The following BTRC variants were observed in gnomAD, a reference collection of about 807,000 sequenced individuals.
BTRC encodes the protein beta-transducin repeat containing E3 ubiquitin protein ligase.
A neutral mutation model predicts 85.5 loss-of-function variants in BTRC; 42 were observed. The observed-to-expected ratio is 0.49, with a 90% CI of 0.38 to 0.64. BTRC has a LOEUF of 0.64. Among genes scored for constraint, BTRC ranks in the 30% least tolerant of loss-of-function variants. The probability of loss-of-function intolerance (pLI) is 0.00; values close to 1 mark genes in which losing one functional copy is unlikely to be tolerated. For missense variants in BTRC, 594 were observed against 743.5 expected (o/e 0.80, Z 2.34); for synonymous variants, 255 against 263.3 (o/e 0.97, Z 0.30).
intron 1 of BTRC, among the ~76,000 whole-genome samples, chr10:101,373,794 T>C (rs550353659): frequency 6.6e-6 from 1 of 151,986 alleles, no homozygotes; most frequent in African/African-American, 2.4e-5. Flanking sequence ...GGTGGGCGCC[T>C]GTAGTCCCAG....
At chr10:101,479,208 C>T (rs1564797595) in intron 3 of BTRC, among the ~76,000 whole-genome samples, 160 bp from the exon 4 acceptor site, 1 of 151,872 alleles carries the variant, frequency 6.6e-6, no homozygotes, top group African/African-American at 2.4e-5. Flanking sequence ...TCTATCTTTG[C>T]CCTCCTCCTT....
intron 2 of BTRC, among the ~76,000 whole-genome samples, chr10:101,432,776 G>T (rs73348107): frequency 0.027 from 4,082 of 152,196 alleles, 189 homozygotes; most frequent in African/African-American, 0.09. Flanking sequence ...ATCTCGGAAG[G>T]ATCCAATTGT....
intron 1 of BTRC, among the ~76,000 whole-genome samples, chr10:101,415,674 T>C (rs1943926085): frequency 6.6e-6 from 1 of 151,430 alleles, no homozygotes; most frequent in African/African-American, 2.4e-5. Flanking sequence ...TCTGAGTAGC[T>C]GGGATTACAG....
intron 1 of BTRC, among the ~76,000 whole-genome samples, chr10:101,374,788 A>T (rs1290921939): frequency 1.3e-4 from 3 of 22,764 alleles, no homozygotes; most frequent in African/African-American, 7.9e-4. Flanking sequence ...ATAATAAATA[A>T]AAAAAAAAAA....
chr10:101,419,462 CTTA>C (rs1944038771), intron 1 of BTRC, among the ~76,000 whole-genome samples: 1 of 152,068 alleles, frequency 6.6e-6, no homozygotes, highest in South Asian at 2.1e-4. Flanking sequence ...CACTTCCAAG[CTTA>C]TTGTTGTTGG....
chr10:101,417,149 T>C (rs1398023863), intron 1 of BTRC, among the ~76,000 whole-genome samples: 1 of 152,244 alleles, frequency 6.6e-6, no homozygotes, highest in East Asian at 1.9e-4. Flanking sequence ...GAAATTATTA[T>C]TGGCATATTA....
chr10:101,427,891 A>G (rs1944302826), intron 1 of BTRC, among the ~76,000 whole-genome samples: 1 of 152,228 alleles, frequency 6.6e-6, no homozygotes, highest in South Asian at 2.1e-4. Flanking sequence ...TGATTAAAAT[A>G]TTAGCCTTAA....
chr10:101,432,098 T>C (rs1457286265), intron 2 of BTRC, among the ~76,000 whole-genome samples: 1 of 151,974 alleles, frequency 6.6e-6, no homozygotes, highest in Non-Finnish European at 1.5e-5. Flanking sequence ...ATCCTGAGAC[T>C]GCTTATTTAT....
chr10:101,359,943 A>G (rs1405670668), intron 1 of BTRC, among the ~76,000 whole-genome samples: 2 of 152,184 alleles, frequency 1.3e-5, no homozygotes, highest in Non-Finnish European at 2.9e-5. Flanking sequence ...GTAGATTTTC[A>G]TAAATTATCA....
chr10:101,499,146 A>T (rs1022208052), intron 4 of BTRC, among the ~76,000 whole-genome samples: 1 of 152,148 alleles, frequency 6.6e-6, no homozygotes, highest in African/African-American at 2.4e-5. Flanking sequence ...AGGGGGAAAA[A>T]GTGAAGCTTA....
intron 3 of BTRC, among the ~76,000 whole-genome samples, chr10:101,467,284 T>C (rs1945399914): frequency 6.7e-6 from 1 of 150,032 alleles, no homozygotes; most frequent in Non-Finnish European, 1.5e-5. Flanking sequence ...ATTTGATTGA[T>C]GAGGGAAAAA....
intron 1 of BTRC, 92 bp downstream of exon 1, chr10:101,354,320 GC>G: frequency 7.1e-7 from 1 of 1,416,894 alleles, no homozygotes; most frequent in Non-Finnish European, 9.6e-7. Context: ...GGACCGGGCA[GC>G]GGGACCCTGG....
At chr10:101,459,824 T>A (rs762441989) in intron 2 of BTRC, among the ~76,000 whole-genome samples, 5 of 152,050 alleles carry the variant, frequency 3.3e-5, no homozygotes, top group Non-Finnish European at 5.9e-5. Flanking sequence ...AAATTGTGAG[T>A]ATGGGCTAGT....
intron 13 of BTRC, among the ~76,000 whole-genome samples, chr10:101,542,493 A>G (rs1014218926): frequency 2.0e-5 from 3 of 152,174 alleles, no homozygotes; most frequent in African/African-American, 7.2e-5. Flanking sequence ...GTCCTTACCA[A>G]TTATTGAGAG....
intron 4 of BTRC, among the ~76,000 whole-genome samples, chr10:101,492,675 GATA>G (rs886412062): frequency 2.6e-5 from 4 of 152,096 alleles, no homozygotes; most frequent in Non-Finnish European, 5.9e-5. Context: ...CCTTTCTTTA[GATA>G]ATAAGGAGAC....
intron 1 of BTRC, among the ~76,000 whole-genome samples, chr10:101,399,531 C>A (rs187152872): frequency 6.6e-6 from 1 of 152,062 alleles, no homozygotes; most frequent in African/African-American, 2.4e-5. Flanking sequence ...CTGTCAGTAC[C>A]TATATTCCGT....
intron 1 of BTRC, among the ~76,000 whole-genome samples, chr10:101,412,474 G>T: frequency 6.6e-6 from 1 of 152,158 alleles, no homozygotes; most frequent in Non-Finnish European, 1.5e-5. Context: ...CACATATTTT[G>T]TTCAGTTTCT....
intron 4 of BTRC, among the ~76,000 whole-genome samples, chr10:101,494,338 T>C (rs1006280882): frequency 1.3e-5 from 2 of 152,170 alleles, no homozygotes; most frequent in African/African-American, 4.8e-5. Context: ...TCATACTGAT[T>C]TATATTAATC....
intron 1 of BTRC, among the ~76,000 whole-genome samples, chr10:101,408,296 C>CT (rs1052209018): frequency 1.7e-4 from 25 of 150,912 alleles, no homozygotes; most frequent in East Asian, 1.4e-3. Context: ...TCTTTTTCTT[C>CT]TTTTTTTTTA....
Sources: allele counts gnomAD v4.1 joint callset (sites outside exome capture counted in the v4.1 genomes callset), GRCh38; gene constraint gnomAD v4.1.1; transcripts MANE v1.5; gene names NCBI Gene and HGNC (gene_info 2026-07-23, HGNC 2026-07-21).